PCDH7: variants seen among roughly 807,000 people sequenced by gnomAD.
PCDH7 encodes the protein protocadherin 7.
Under a neutral mutation model 58.9 loss-of-function variants are expected in PCDH7, and 17 were observed. The observed-to-expected ratio is 0.29, with a 90% CI of 0.20 to 0.43. The LOEUF is 0.43. Ranked by LOEUF, PCDH7 falls within the 20% of genes least tolerant of loss-of-function variation. The probability of loss-of-function intolerance (pLI) is 1.00; values close to 1 mark genes in which losing one functional copy is unlikely to be tolerated. For synonymous variants in PCDH7, 664 were observed against 616.4 expected, an observed-to-expected ratio of 1.08 and a Z score of -1.14; for missense variants, 1,274 against 1,441.0, an observed-to-expected ratio of 0.88 and a Z score of 1.88.
At chr4:31,044,610 G>A (rs1017726520) in intron 3 of PCDH7, among the ~76,000 whole-genome samples, 1 of 151,876 alleles carries the variant, frequency 6.6e-6, no homozygotes, top group Non-Finnish European at 1.5e-5. Context: ...TTTAATATAT[G>A]TGGGATAATA....
intron 1 of PCDH7, among the ~76,000 whole-genome samples, chr4:30,797,016 A>G (rs1180963444): frequency 1.3e-5 from 2 of 151,704 alleles, no homozygotes; most frequent in African/African-American, 4.9e-5. Context: ...GGTGGAGTGC[A>G]GTGGTGCGAT....
intron 1 of PCDH7, among the ~76,000 whole-genome samples, chr4:30,771,217 C>T (rs796305348): frequency 1.3e-5 from 2 of 152,084 alleles, no homozygotes; most frequent in East Asian, 3.8e-4. Context: ...TAATTTTGCC[C>T]TAGCTACATA....
chr4:30,965,034 A>G (rs1247933129), intron 3 of PCDH7, among the ~76,000 whole-genome samples: 1 of 152,220 alleles, frequency 6.6e-6, no homozygotes, highest in Non-Finnish European at 1.5e-5. Flanking sequence ...TCTAGAATCC[A>G]TAAGAAATGA....
chr4:30,962,612 C>A (rs1748549957), intron 3 of PCDH7, among the ~76,000 whole-genome samples: 1 of 151,616 alleles, frequency 6.6e-6, no homozygotes, highest in South Asian at 2.1e-4. Flanking sequence ...CATAAGGAGA[C>A]TCCATCTCTA....
chr4:30,773,549 T>C (rs1173121834), intron 1 of PCDH7, among the ~76,000 whole-genome samples: 1 of 152,042 alleles, frequency 6.6e-6, no homozygotes, highest in Non-Finnish European at 1.5e-5. Context: ...CTGCAAGAAA[T>C]AGATTCAACA....
chr4:30,956,941 T>A (rs1747917926), intron 3 of PCDH7, among the ~76,000 whole-genome samples: 1 of 152,220 alleles, frequency 6.6e-6, no homozygotes, highest in African/African-American at 2.4e-5. Flanking sequence ...TAGGCTGCTG[T>A]GTTCCTGGAG....
intron 3 of PCDH7, among the ~76,000 whole-genome samples, chr4:30,978,303 C>T (rs1750254392): frequency 6.6e-6 from 1 of 152,096 alleles, no homozygotes; most frequent in South Asian, 2.1e-4. Flanking sequence ...TCCTTAATTT[C>T]CTCATTTGAA....
At chr4:30,863,694 A>G (rs755826335) in intron 1 of PCDH7, among the ~76,000 whole-genome samples, 2 of 152,066 alleles carry the variant, frequency 1.3e-5, no homozygotes, top group African/African-American at 4.8e-5. Flanking sequence ...CCATATACTC[A>G]TTGGTGAGGT....
chr4:30,743,309 A>G (rs898132383), intron 1 of PCDH7, among the ~76,000 whole-genome samples: 2 of 152,172 alleles, frequency 1.3e-5, no homozygotes, highest in Admixed American at 1.3e-4. Context: ...CACTCTGCGC[A>G]AAAGCTGAAA....
chr4:30,834,260 C>G (rs1433195806), intron 1 of PCDH7, among the ~76,000 whole-genome samples: 1 of 152,154 alleles, frequency 6.6e-6, no homozygotes, highest in Non-Finnish European at 1.5e-5. Flanking sequence ...TTGCTGTTAC[C>G]ATCTTGAAAT....
At chr4:30,797,053 C>T (rs1233755197) in intron 1 of PCDH7, among the ~76,000 whole-genome samples, 2 of 152,040 alleles carry the variant, frequency 1.3e-5, no homozygotes, top group African/African-American at 2.4e-5. Context: ...CTCCGCCTCT[C>T]GGACTCAAGC....
At chr4:30,739,782 A>C (rs537202594) in intron 1 of PCDH7, among the ~76,000 whole-genome samples, 2 of 152,344 alleles carry the variant, frequency 1.3e-5, no homozygotes, top group South Asian at 4.1e-4. Flanking sequence ...GAAAATAGTG[A>C]ATCACTACTA....
chr4:30,902,183 T>C (rs1384653544), intron 1 of PCDH7, among the ~76,000 whole-genome samples: 2 of 152,304 alleles, frequency 1.3e-5, no homozygotes, highest in South Asian at 2.1e-4. Flanking sequence ...TCTTTCGTTA[T>C]GTTCTGGGAA....
At chr4:30,986,078 T>G (rs1358662938) in intron 3 of PCDH7, among the ~76,000 whole-genome samples, 2 of 152,318 alleles carry the variant, frequency 1.3e-5, no homozygotes, top group East Asian at 3.9e-4. Flanking sequence ...AATTTTTACC[T>G]GAAATAGTTA....
intron 1 of PCDH7, among the ~76,000 whole-genome samples, chr4:30,790,895 C>G (rs1724028692): frequency 6.6e-6 from 1 of 151,514 alleles, no homozygotes; most frequent in South Asian, 2.1e-4. Context: ...TGCACTCCAG[C>G]AAGAATGACA....
chr4:30,759,278 T>C (rs983519715), intron 1 of PCDH7, among the ~76,000 whole-genome samples: 1 of 152,102 alleles, frequency 6.6e-6, no homozygotes, highest in South Asian at 2.1e-4. Flanking sequence ...ATGTCAAAGA[T>C]GTCAGCATTC....
chr4:30,906,401 C>G (rs1740929379), intron 1 of PCDH7, among the ~76,000 whole-genome samples: 1 of 152,102 alleles, frequency 6.6e-6, no homozygotes, highest in African/African-American at 2.4e-5. Flanking sequence ...CTATTTGAAT[C>G]CAAGTCCCCC....
chr4:30,945,156 G>T (rs947774717), intron 2 of PCDH7, among the ~76,000 whole-genome samples: 2 of 151,918 alleles, frequency 1.3e-5, no homozygotes, highest in African/African-American at 2.4e-5. Flanking sequence ...TCTTCAGTTA[G>T]AAGGAAAAAT....
chr4:30,992,669 G>C (rs1751549596), intron 3 of PCDH7, among the ~76,000 whole-genome samples: 1 of 151,392 alleles, frequency 6.6e-6, no homozygotes, highest in Non-Finnish European at 1.5e-5. Context: ...GATGTTACCA[G>C]AAGAGACAGA....
Sources: gnomAD v4.1 joint callset for allele counts (sites outside exome capture counted in the v4.1 genomes callset) on GRCh38, gnomAD v4.1.1 for gene constraint, MANE v1.5 for transcripts, NCBI Gene and HGNC (gene_info 2026-07-23, HGNC 2026-07-21) for gene names.